DCC: variants seen among roughly 807,000 people sequenced by gnomAD.
DCC encodes the protein netrin receptor DCC.
Under a neutral mutation model 172.5 loss-of-function variants are expected in DCC, and 58 were observed. That is an observed-to-expected ratio of 0.34 (90% CI 0.27 to 0.42). The LOEUF (loss-of-function observed/expected upper bound fraction) is 0.42, where lower values mean the gene tolerates loss of function less well. Ranked by LOEUF, DCC falls within the 10% of genes least tolerant of loss-of-function variation. DCC has a pLI of 1.00. For synonymous variants in DCC, 709 were observed against 644.5 expected, an observed-to-expected ratio of 1.10 and a Z score of -1.52; for missense variants, 1,740 against 1,791.0, an observed-to-expected ratio of 0.97 and a Z score of 0.51.
rs578080024 is a variant in DCC, at chr18:53,185,146, TATAA to T, written c.1573+6035_1573+6038del. Among the ~76,000 whole-genome samples the T allele has an allele frequency of 8.5e-5, 13 of 152,328 alleles. No homozygotes were observed. In the South Asian group the frequency reaches 2.7e-3, roughly 32 times the overall value. On this transcript the variant is annotated intron_variant, in intron 9 of 28. Coordinates refer to ENST00000442544, the MANE Select transcript of DCC (RefSeq NM_005215.4). ...GATGTAAAAAAATGTTTTCAGGTGT[TATAA>T]ATAAGAGATGGGGAACGTTAAAAAT...
At chr18:53,165,386 T>C (rs967383710) in intron 8 of DCC, among the ~76,000 whole-genome samples, 4 of 152,216 alleles carry the variant, frequency 2.6e-5, no homozygotes, top group Non-Finnish European at 5.9e-5. Flanking sequence ...TATTACATTT[T>C]TGATGTGGTG....
chr18:52,563,353 A>G (rs1340781794), intron 1 of DCC, among the ~76,000 whole-genome samples: 1 of 152,202 alleles, frequency 6.6e-6, no homozygotes, highest in South Asian at 2.1e-4. Flanking sequence ...GTATGAAAAC[A>G]TACACCATGT....
chr18:52,830,770 T>G (rs754041174), intron 2 of DCC, among the ~76,000 whole-genome samples: 4 of 152,154 alleles, frequency 2.6e-5, no homozygotes, highest in Non-Finnish European at 5.9e-5. Context: ...TTCATAGACC[T>G]AGGGTAATCC....
chr18:53,175,953 C>T lies in DCC; in HGVS notation c.1419-3009C>T, dbSNP rs199826239. On this transcript the variant is annotated intron_variant, in intron 8 of 28. Transcript: ENST00000442544. ...TACCACAAGGCTACAGTAACCAAAA[C>T]AGCATGGTACTGGTACCAAAACAGA... Among the ~76,000 whole-genome samples, 28 of 152,172 alleles carry T rather than the reference C, an allele frequency of 1.8e-4. No individual in the cohort carries two copies. The East Asian group carries it at 5.2e-3, about 28-fold the overall frequency.
At chr18:53,166,757 C>G (rs558481763) in intron 8 of DCC, among the ~76,000 whole-genome samples, 2 of 152,272 alleles carry the variant, frequency 1.3e-5, no homozygotes, top group South Asian at 4.1e-4. Context: ...GGAAATACCT[C>G]TAACCAAGAG....
intron 5 of DCC, among the ~76,000 whole-genome samples, chr18:52,938,728 T>A (rs933788607): frequency 6.6e-5 from 10 of 152,148 alleles, no homozygotes; most frequent in Non-Finnish European, 1.0e-4. Context: ...ATGGCCTCAG[T>A]GTTGCAATAT....
intron 19 of DCC, among the ~76,000 whole-genome samples, chr18:53,407,560 C>T (rs1157566478): frequency 7.2e-5 from 6 of 83,666 alleles, no homozygotes; most frequent in African/African-American, 1.8e-4. Flanking sequence ...TATATATTCA[C>T]TATTACTCTC....
chr18:53,004,474 T>C (rs1470087686), intron 5 of DCC, among the ~76,000 whole-genome samples: 1 of 152,196 alleles, frequency 6.6e-6, no homozygotes, highest in African/African-American at 2.4e-5. Flanking sequence ...AACCACTTCT[T>C]TGGGTGGCAG....
intron 27 of DCC, among the ~76,000 whole-genome samples, chr18:53,526,232 A>G (rs778137683): frequency 9.9e-5 from 15 of 152,158 alleles, no homozygotes; most frequent in Non-Finnish European, 1.6e-4. Context: ...TGGTTCTGCT[A>G]TGCAACTTAG....
intron 1 of DCC, among the ~76,000 whole-genome samples, chr18:52,421,250 A>T (rs1987237951): frequency 6.6e-6 from 1 of 152,198 alleles, no homozygotes; most frequent in Non-Finnish European, 1.5e-5. Context: ...CCTCTCAGAA[A>T]TCATGTAGAC....
intron 1 of DCC, among the ~76,000 whole-genome samples, chr18:52,639,350 A>C (rs911566622): frequency 5.3e-5 from 8 of 152,120 alleles, no homozygotes; most frequent in Admixed American, 1.3e-4. Flanking sequence ...ACAAACAAAC[A>C]AAAAATAAAT....
In DCC at chr18:52,906,213, T is replaced by C. The variant is rs559921087; in HGVS notation, c.582T>C (p.Ser194=). The C allele has an allele frequency of 1.9e-6, 3 of 1,613,946 alleles. No homozygotes were observed. The highest frequency in any genetic ancestry group is 2.5e-6 in the Non-Finnish European group (3 of 1,179,940). Residue 194 remains serine (S), a synonymous_variant, in exon 3 of 29, where the codon TCT becomes TCC. Transcript: ENST00000442544. ...PGDSRVVVLP[S]GALQISRLQP... Reference sequence around the variant, plus strand: ...ACTCCCGAGTGGTGGTCTTGCCCTCTGGAGCATTGCAGATCAGCCGACTCC... The same window carrying C: ...ACTCCCGAGTGGTGGTCTTGCCCTCCGGAGCATTGCAGATCAGCCGACTCC...
At chr18:53,482,404 A>G (rs1218979849) in intron 25 of DCC, among the ~76,000 whole-genome samples, 1 of 152,112 alleles carries the variant, frequency 6.6e-6, no homozygotes, top group Non-Finnish European at 1.5e-5. Flanking sequence ...ATACAAAACT[A>G]TTAGAAAGTA....
intron 12 of DCC, among the ~76,000 whole-genome samples, chr18:53,277,239 G>A (rs2056816402): frequency 6.6e-6 from 1 of 152,158 alleles, no homozygotes. Flanking sequence ...GGAGGCCAAG[G>A]CGGGAGGATC....
At chr18:52,912,866 T>C (rs1013311247) in intron 3 of DCC, among the ~76,000 whole-genome samples, 2 of 152,046 alleles carry the variant, frequency 1.3e-5, no homozygotes, top group African/African-American at 4.8e-5. Context: ...ACAATTCAGG[T>C]TAGCAAGACA....
chr18:52,704,061 G>T (rs1429222406), intron 1 of DCC, among the ~76,000 whole-genome samples: 2 of 146,204 alleles, frequency 1.4e-5, no homozygotes, highest in African/African-American at 5.6e-5. Flanking sequence ...TTATTTAAGG[G>T]CCCTGTTATG....
At chr18:52,505,507 G>C (rs752555193) in intron 1 of DCC, among the ~76,000 whole-genome samples, 1 of 151,986 alleles carries the variant, frequency 6.6e-6, no homozygotes, top group Admixed American at 6.6e-5. Flanking sequence ...TTGAATCTTC[G>C]CTAAACGGCA....
At chr18:53,137,172 T>G (rs1333988403) in intron 7 of DCC, among the ~76,000 whole-genome samples, 2 of 152,218 alleles carry the variant, frequency 1.3e-5, no homozygotes, top group Non-Finnish European at 1.5e-5. Context: ...TTTCAAAATT[T>G]CCATGTGTCA....
chr18:52,868,067 GTGTGTGTGTGTATATA>G (rs2039257643), intron 2 of DCC, among the ~76,000 whole-genome samples: 1 of 148,130 alleles, frequency 6.8e-6, no homozygotes, highest in Non-Finnish European at 1.5e-5. Context: ...GTGTGTGTGT[GTGTGTGTGTGTATATA>G]TGTGTGTATA....
Sources: allele counts gnomAD v4.1 joint callset (sites outside exome capture counted in the v4.1 genomes callset), GRCh38; gene constraint gnomAD v4.1.1; transcripts MANE v1.5; gene names NCBI Gene and HGNC (gene_info 2026-07-23, HGNC 2026-07-21).